Variants in STXBP6 observed in about 807,000 individuals in gnomAD.
The protein encoded by STXBP6 is syntaxin binding protein 6.
Under a neutral mutation model 26.9 loss-of-function variants are expected in STXBP6, and 21 were observed. The observed-to-expected ratio is 0.78, with a 90% confidence interval of 0.55 to 1.12. The LOEUF is 1.12. Among genes scored for constraint, STXBP6 ranks in the 50% most tolerant of loss-of-function variants. STXBP6 has a pLI of 0.00. For synonymous variants in STXBP6, 97 were observed against 92.6 expected (o/e 1.05, Z -0.27); for missense variants, 232 against 257.9 (o/e 0.90, Z 0.69).
rs189020463 is a variant in STXBP6 at position 24,882,001 on chromosome 14, A to G, written c.155-24844T>C. ...TATACATTGGCAGGGCCCTCCTCTC[A>G]CTATCACATCTTAACCTATCTCAAG... On this transcript the variant is annotated intron_variant, in intron 2 of 5. Transcript: ENST00000323944. Among the ~76,000 whole-genome samples the G allele has an allele frequency of 1.1e-3, 168 of 152,198 alleles. 1 individual carries two copies. In the East Asian group the frequency reaches 0.027, roughly 25 times the overall value.
chr14:24,991,002 GAGT>G (rs2140285352), intron 1 of STXBP6, among the ~76,000 whole-genome samples: 1 of 151,300 alleles, frequency 6.6e-6, no homozygotes, highest in South Asian at 2.1e-4. Flanking sequence ...AGAAAAAGGA[GAGT>G]AGGAGGAGAG....
rs112822728 is a variant in STXBP6 at position 24,818,099 on chromosome 14, C to T, written c.609+938G>A. ...TGTTAAAGCCAGTTATTTTCTTCCCCGAAAGGTCACCTGAAAAGTGTATTT... is the reference window on the plus strand; with the variant it reads ...TGTTAAAGCCAGTTATTTTCTTCCCTGAAAGGTCACCTGAAAAGTGTATTT... On this transcript the variant is annotated intron_variant, in intron 5 of 5. Transcript: ENST00000323944. 8.3e-4 allele frequency: 381 copies of T among 456,676 alleles called. No individual in the cohort carries two copies. The East Asian group carries it at 0.013, about 16-fold the overall frequency. 28.3% of individuals were successfully genotyped at this position (456,676 alleles called of 1,614,324 possible).
At chr14:24,971,133 T>A (rs1237156423) in intron 2 of STXBP6, among the ~76,000 whole-genome samples, 1 of 152,166 alleles carries the variant, frequency 6.6e-6, no homozygotes, top group African/African-American at 2.4e-5. Flanking sequence ...AGCACCTTTT[T>A]CGGATACCTC....
At chr14:25,000,977 G>A (rs537102056) in intron 1 of STXBP6, among the ~76,000 whole-genome samples, 1 of 152,072 alleles carries the variant, frequency 6.6e-6, no homozygotes, top group South Asian at 2.1e-4. Context: ...GCTCCTGCTT[G>A]TTCACGATAA....
chr14:24,866,844 A>G (rs2069740863), intron 2 of STXBP6, among the ~76,000 whole-genome samples: 1 of 151,894 alleles, frequency 6.6e-6, no homozygotes, highest in South Asian at 2.1e-4. Flanking sequence ...AATTTGATCT[A>G]AAGATTTAAT....
In STXBP6 at chr14:24,934,307, C is replaced by T. The variant is rs560197438; in HGVS notation, c.154+40358G>A. Among the ~76,000 whole-genome samples the T allele has an allele frequency of 4.3e-4, 66 of 152,216 alleles. No homozygotes were observed. The Middle Eastern group carries it at 0.014, about 31-fold the overall frequency. Reference sequence around the variant, plus strand: ...AGACTGAATAAAAGTGAGTCATTTACAGAAGGGGAAAATAAATCAGACTTG... The same window carrying T: ...AGACTGAATAAAAGTGAGTCATTTATAGAAGGGGAAAATAAATCAGACTTG... On this transcript the variant is annotated intron_variant, in intron 2 of 5. Transcript: ENST00000323944.
intron 2 of STXBP6, among the ~76,000 whole-genome samples, chr14:24,884,067 A>AT (rs1438747061): frequency 6.6e-6 from 1 of 152,070 alleles, no homozygotes; most frequent in Middle Eastern, 3.2e-3. Flanking sequence ...ATGTAACTGT[A>AT]TAGCTATCTC....
intron 4 of STXBP6, among the ~76,000 whole-genome samples, chr14:24,826,729 AC>A (rs111426196): frequency 0.022 from 3,360 of 151,674 alleles, 139 homozygotes; most frequent in African/African-American, 0.077. Flanking sequence ...TTCTTGATCC[AC>A]CCCCCGACCC....
At chr14:24,867,590 G>C in intron 2 of STXBP6, among the ~76,000 whole-genome samples, 1 of 152,114 alleles carries the variant, frequency 6.6e-6, no homozygotes, top group East Asian at 1.9e-4. Context: ...GGAACAACTG[G>C]ATATCCACAT....
At chr14:24,965,235 G>C (rs1431956627) in intron 2 of STXBP6, among the ~76,000 whole-genome samples, 2 of 150,448 alleles carry the variant, frequency 1.3e-5, no homozygotes, top group Admixed American at 1.3e-4. Flanking sequence ...GGGAAGGAGA[G>C]GGAGAAAACC....
intron 4 of STXBP6, among the ~76,000 whole-genome samples, chr14:24,828,864 A>C (rs1211776832): frequency 6.6e-6 from 1 of 152,194 alleles, no homozygotes; most frequent in Non-Finnish European, 1.5e-5. Flanking sequence ...GACATAGAGA[A>C]TTATGTAATG....
At chr14:25,002,885 C>A (rs940699460) in intron 1 of STXBP6, among the ~76,000 whole-genome samples, 1 of 151,864 alleles carries the variant, frequency 6.6e-6, no homozygotes, top group Non-Finnish European at 1.5e-5. Flanking sequence ...TGCCACCACG[C>A]CCAGCTAATT....
At chr14:24,959,589 G>A (rs960957768) in intron 2 of STXBP6, among the ~76,000 whole-genome samples, 10 of 152,206 alleles carry the variant, frequency 6.6e-5, no homozygotes, top group Admixed American at 2.0e-4. Flanking sequence ...ACATGTAAAT[G>A]TTTTTGGAGA....
intron 2 of STXBP6, among the ~76,000 whole-genome samples, chr14:24,954,859 T>G (rs558863112): frequency 6.6e-6 from 1 of 152,222 alleles, no homozygotes; most frequent in Non-Finnish European, 1.5e-5. Flanking sequence ...AGCGCAGATA[T>G]AAAGAGCTCA....
intron 1 of STXBP6, among the ~76,000 whole-genome samples, chr14:25,045,566 A>C (rs2075712119): frequency 6.6e-6 from 1 of 151,788 alleles, no homozygotes; most frequent in East Asian, 1.9e-4. Flanking sequence ...AAGAAAAAAA[A>C]ACTGCACATT....
intron 1 of STXBP6, among the ~76,000 whole-genome samples, chr14:24,998,839 A>G (rs569457022): frequency 1.2e-4 from 19 of 152,200 alleles, no homozygotes; most frequent in Non-Finnish European, 2.1e-4. Flanking sequence ...TTAAAAAATC[A>G]ATAGTCTGTC....
chr14:24,919,727 T>G (rs12896213), intron 2 of STXBP6, among the ~76,000 whole-genome samples: 108 of 151,952 alleles, frequency 7.1e-4, no homozygotes, highest in African/African-American at 2.5e-3. Flanking sequence ...TGACTTGGTT[T>G]ATTAAATAAA....
chr14:24,858,460 T>C (rs1405912916), intron 2 of STXBP6, among the ~76,000 whole-genome samples: 1 of 152,162 alleles, frequency 6.6e-6, no homozygotes, highest in African/African-American at 2.4e-5. Context: ...TAAGTTCAAA[T>C]AATGTTTTGG....
intron 2 of STXBP6, among the ~76,000 whole-genome samples, chr14:24,912,832 A>T (rs2071623445): frequency 6.6e-6 from 1 of 152,196 alleles, no homozygotes; most frequent in South Asian, 2.1e-4. Flanking sequence ...AAAAATGTGG[A>T]CTTGCCTTTT....
Sources: allele counts gnomAD v4.1 joint callset (sites outside exome capture counted in the v4.1 genomes callset), GRCh38; gene constraint gnomAD v4.1.1; transcripts MANE v1.5; gene names NCBI Gene and HGNC (gene_info 2026-07-23, HGNC 2026-07-21).